The following KCNAB2 variants were observed in gnomAD, a reference collection of about 807,000 sequenced individuals.
The protein encoded by KCNAB2 is voltage-gated potassium channel subunit beta-2.
Under a neutral mutation model 63.6 loss-of-function variants are expected in KCNAB2, and 29 were observed. That is an observed-to-expected ratio of 0.46 (90% CI 0.34 to 0.62). The LOEUF (loss-of-function observed/expected upper bound fraction) is 0.62, where lower values mean the gene tolerates loss of function less well. Among genes scored for constraint, KCNAB2 ranks in the 20% least tolerant of loss-of-function variants. The pLI, the probability that KCNAB2 is intolerant of heterozygous loss-of-function variation, is 0.01. For synonymous variants in KCNAB2, 222 were observed against 224.2 expected, an observed-to-expected ratio of 0.99 and a Z score of 0.09; for missense variants, 359 against 563.9, an observed-to-expected ratio of 0.64 and a Z score of 3.68.
Position 6,090,371 on chromosome 1 carries a change from C to T in KCNAB2, c.515-18C>T, listed in dbSNP as rs116081459. 2.6e-5 allele frequency: 41 copies of T among 1,586,272 alleles called. No individual in the cohort carries two copies. The highest frequency in any genetic ancestry group is 6.7e-5 in the Admixed American group (4 of 59,788). On this transcript the variant is annotated intron_variant, in intron 8 of 15. Coordinates refer to ENST00000378083, the MANE Select transcript of KCNAB2 (RefSeq NM_001199862.2). ...TGGAGCCACAGCAGTGACGCCCCCCCACCTGGTCCTCCCCCAGGTCTGAAA... is the reference window on the plus strand; with the variant it reads ...TGGAGCCACAGCAGTGACGCCCCCCTACCTGGTCCTCCCCCAGGTCTGAAA...
intron 2 of KCNAB2, among the ~76,000 whole-genome samples, chr1:6,061,100 C>T (rs1367887464): frequency 6.6e-6 from 1 of 152,134 alleles, no homozygotes; most frequent in Admixed American, 6.5e-5. Context: ...GGCACTGAGC[C>T]GGAAGCCTCC....
At chr1:6,046,603 G>C (rs1201938524) in intron 1 of KCNAB2, among the ~76,000 whole-genome samples, 1 of 152,252 alleles carries the variant, frequency 6.6e-6, no homozygotes, top group African/African-American at 2.4e-5. Flanking sequence ...TGTGCAGGAA[G>C]CACGTGCTGA....
chr1:6,060,616 G>C (rs1387572090), intron 2 of KCNAB2, among the ~76,000 whole-genome samples: 11 of 152,176 alleles, frequency 7.2e-5, no homozygotes, highest in Admixed American at 5.9e-4. Flanking sequence ...TAAAAGCCAT[G>C]TCAGGCCAAG....
intron 11 of KCNAB2, 123 bp downstream of exon 11, chr1:6,094,608 C>CAG: frequency 1.3e-6 from 1 of 741,618 alleles, no homozygotes; most frequent in Non-Finnish European, 2.3e-6. Context: ...TGCCTGGGTG[C>CAG]TAAGGGAGGG....
chr1:6,033,877 CAA>C (rs1369585528), upstream of KCNAB2, among the ~76,000 whole-genome samples: 1 of 152,214 alleles, frequency 6.6e-6, no homozygotes, highest in African/African-American at 2.4e-5. Context: ...TCAGTTTCTC[CAA>C]ATCTAAATCC....
rs781696525 is a variant in KCNAB2 at position 6,094,444 on chromosome 1, A to G, written c.691A>G (p.Met231Val). 3.5e-5 allele frequency: 56 copies of G among 1,612,158 alleles called. No homozygotes were observed. The highest frequency in any genetic ancestry group is 4.7e-5 in the Non-Finnish European group (55 of 1,179,620). ...CCACGTCATCAACCAGGGGATGGCC[A>G]TGTACTGGGGCACGTCACGCTGGAG... ...MTHVINQGMA[M>V]YWGTSRWSSM... Residue 231 changes from methionine to valine, a missense_variant, in exon 11 of 16, where the codon ATG becomes GTG. Physicochemically the swap from Met to Val is conservative, Grantham distance 21. Transcript: ENST00000378083.
chr1:5,996,186 G>T (rs1389517038), intron 1 of KCNAB2: 1 of 152,484 alleles, frequency 6.6e-6, no homozygotes, highest in African/African-American at 2.4e-5. Context: ...GGGGAGATGG[G>T]GTGGCACACC....
At position 6,058,481 on chromosome 1, in the gene KCNAB2, G is replaced by A. The variant is rs116570227; in HGVS notation, c.218+6727G>A. ...TTTCCTTACCCGGAAAGTGGAGACC[G>A]GGGTCACTACAGCAGAATTGTCCTG... On this transcript the variant is annotated intron_variant, in intron 2 of 15. Transcript: ENST00000378083. Among the ~76,000 whole-genome samples the A allele has an allele frequency of 7.1e-3, 1,081 of 152,290 alleles. 5 individuals carry two copies. The highest frequency in any genetic ancestry group is 0.012 in the Non-Finnish European group (803 of 68,038).
At chr1:5,997,426 C>T (rs890635673) in intron 1 of KCNAB2, among the ~76,000 whole-genome samples, 4 of 152,152 alleles carry the variant, frequency 2.6e-5, no homozygotes, top group African/African-American at 9.7e-5. Context: ...GCCCTATTCT[C>T]CCTGACCTTG....
chr1:6,085,879 G>C, intron 6 of KCNAB2: 1 of 986,814 alleles, frequency 1.0e-6, no homozygotes, highest in Non-Finnish European at 1.2e-6. Flanking sequence ...AGGGCGGGAC[G>C]TGTCACACTC....
chr1:6,002,916 T>C (rs969002621), intron 1 of KCNAB2, among the ~76,000 whole-genome samples: 3 of 150,562 alleles, frequency 2.0e-5, no homozygotes, highest in African/African-American at 5.0e-5. Context: ...AGATTTGCTC[T>C]GGCTCTGGCC....
chr1:6,014,271 A>G (rs1658359313), intron 1 of KCNAB2, among the ~76,000 whole-genome samples: 1 of 152,124 alleles, frequency 6.6e-6, no homozygotes, highest in East Asian at 1.9e-4. Flanking sequence ...CCGCCATCCA[A>G]TGTCCAGCTT....
chr1:6,073,736 C>T lies in KCNAB2; in HGVS notation c.266C>T (p.Thr89Ile). The T allele has an allele frequency of 6.2e-7, 1 of 1,614,232 alleles. No individual in the cohort carries two copies. The highest frequency in any genetic ancestry group is 8.5e-7 in the Non-Finnish European group (1 of 1,180,020). The change falls in exon 4 of 16, where the codon ACA (threonine) becomes ATA (isoleucine). Residue 89 changes from threonine (T) to isoleucine (I), a missense_variant. Thr to Ile is a moderately conservative substitution (Grantham distance 89). This residue lies in a region of KCNAB2 where 271 missense variants were observed against 476.1 expected (regional missense o/e 0.57). Coordinates refer to ENST00000378083, the MANE Select transcript of KCNAB2 (RefSeq NM_001199862.2). The surrounding 1 kb of genome is among the most constrained non-coding windows in gnomAD (Gnocchi z 5.7). ...GAGCCCCTGTGTCTCCTTCCAGGAA[C>T]ATGGGTGACCTTCGGAGGCCAGATC... ...GLRVSCLGLG[T>I]WVTFGGQITD...
intron 1 of KCNAB2, among the ~76,000 whole-genome samples, chr1:6,036,800 G>C (rs754625180): frequency 3.9e-5 from 6 of 152,126 alleles, no homozygotes; most frequent in Non-Finnish European, 7.3e-5. Context: ...GGCAGCTGAG[G>C]GTGGGGTGGG....
chr1:6,007,606 T>C, intron 1 of KCNAB2: 1 of 152,574 alleles, frequency 6.6e-6, no homozygotes, highest in Non-Finnish European at 1.5e-5. Flanking sequence ...TGTGGCCCCA[T>C]CCCCCTGTGT....
At chr1:6,027,462 G>C (rs1384422358) in intron 1 of KCNAB2, 1 of 152,294 alleles carries the variant, frequency 6.6e-6, no homozygotes, top group African/African-American at 2.4e-5. Context: ...AGTGCCAGGT[G>C]AGCGGCCCTG....
intron 4 of KCNAB2, among the ~76,000 whole-genome samples, chr1:6,081,428 A>G (rs1038387243): frequency 2.0e-5 from 3 of 152,250 alleles, no homozygotes; most frequent in African/African-American, 4.8e-5. Flanking sequence ...CTTTAAGGAC[A>G]TAGACTCATC....
chr1:6,059,354 C>T (rs1662110744), intron 2 of KCNAB2, among the ~76,000 whole-genome samples: 1 of 152,122 alleles, frequency 6.6e-6, no homozygotes, highest in African/African-American at 2.4e-5. Context: ...CCACACCTGG[C>T]TAATTTTTGT....
At chr1:6,094,603 G>C in intron 11 of KCNAB2, 118 bp downstream of exon 11, 5 of 759,508 alleles carry the variant, frequency 6.6e-6, no homozygotes, top group Middle Eastern at 3.6e-4. Context: ...ACCGATGCCT[G>C]GGTGCTAAGG....
Sources: gnomAD v4.1 joint callset for allele counts (sites outside exome capture counted in the v4.1 genomes callset) on GRCh38, gnomAD v4.1.1 for gene constraint, gnomAD v4.1.1 regional missense constraint, Gnocchi (gnomAD v3.1) non-coding constraint, MANE v1.5 for transcripts, NCBI Gene and HGNC (gene_info 2026-07-23, HGNC 2026-07-21) for gene names.